The following CCDC3 variants were observed in gnomAD, a reference collection of about 807,000 sequenced individuals.
The protein encoded by CCDC3 is coiled-coil domain containing 3.
Under a neutral mutation model 21.4 loss-of-function variants are expected in CCDC3, and 24 were observed. The ratio of observed to expected loss-of-function variants is 1.12; its 90% CI spans 0.81 to 1.58. CCDC3 has a LOEUF of 1.58. CCDC3 is among the 40% of genes most tolerant of loss of function. CCDC3 has a pLI of 0.00. For synonymous variants in CCDC3, 186 were observed against 166.0 expected, an observed-to-expected ratio of 1.12 and a Z score of -0.93; for missense variants, 425 against 360.9, an observed-to-expected ratio of 1.18 and a Z score of -1.44.
intron 5 of CCDC3, among the ~76,000 whole-genome samples, chr10:13,015,559 G>C (rs1395376149): frequency 6.6e-6 from 1 of 152,010 alleles, no homozygotes; most frequent in Non-Finnish European, 1.5e-5. Context: ...GTGGTGTTAT[G>C]ACCCCCAATT....
intron 2 of CCDC3, among the ~76,000 whole-genome samples, chr10:12,925,861 T>C (rs962204898): frequency 2.0e-5 from 3 of 152,264 alleles, no homozygotes; most frequent in African/African-American, 7.2e-5. Context: ...TAAGGGATGA[T>C]CTGACTGGGA....
At chr10:12,969,532 T>G (rs1351739582) in intron 2 of CCDC3, among the ~76,000 whole-genome samples, 1 of 151,616 alleles carries the variant, frequency 6.6e-6, no homozygotes, top group Non-Finnish European at 1.5e-5. Flanking sequence ...TACCCAGTAG[T>G]AAACCGACTA....
intron 3 of CCDC3, among the ~76,000 whole-genome samples, chr10:13,080,062 G>A (rs184404760): frequency 1.2e-4 from 18 of 152,332 alleles, no homozygotes; most frequent in South Asian, 2.1e-4. Flanking sequence ...CAGGGTTAAC[G>A]ACTCAAACAA....
chr10:13,030,298 T>C (rs186820977), intron 5 of CCDC3, among the ~76,000 whole-genome samples: 19 of 152,258 alleles, frequency 1.2e-4, no homozygotes, highest in Admixed American at 1.0e-3. Context: ...TGCTGAGAGA[T>C]TTTGTTACCA....
intron 5 of CCDC3, among the ~76,000 whole-genome samples, chr10:13,022,755 G>T (rs780515144): frequency 3.9e-5 from 6 of 152,152 alleles, no homozygotes; most frequent in Non-Finnish European, 7.4e-5. Context: ...CTCCTTTCAA[G>T]ATATTAGTAT....
chr10:12,998,660 T>TA, intron 1 of CCDC3, 148 bp from the exon 2 acceptor site: 1 of 687,320 alleles, frequency 1.5e-6, no homozygotes, highest in Non-Finnish European at 2.4e-6. Context: ...TACTTCTAAT[T>TA]ATTTCTTTGT....
chr10:13,039,377 C>G (rs1054813930), intron 5 of CCDC3, among the ~76,000 whole-genome samples: 2 of 151,064 alleles, frequency 1.3e-5, no homozygotes, highest in East Asian at 1.9e-4. Context: ...GAACTGAGAT[C>G]GTGCCACTGC....
intron 2 of CCDC3, among the ~76,000 whole-genome samples, chr10:12,955,146 T>C (rs1019412136): frequency 2.0e-5 from 3 of 152,346 alleles, no homozygotes; most frequent in African/African-American, 7.2e-5. Context: ...GTGTCTGGCA[T>C]TTAGATTCCT....
intron 5 of CCDC3, among the ~76,000 whole-genome samples, chr10:13,013,119 G>A (rs1836003557): frequency 6.6e-6 from 1 of 152,092 alleles, no homozygotes; most frequent in African/African-American, 2.4e-5. Context: ...TAAGTCTTTT[G>A]GGACACACAC....
intron 3 of CCDC3, among the ~76,000 whole-genome samples, chr10:13,088,040 T>G (rs1003580110): frequency 5.3e-5 from 8 of 152,206 alleles, no homozygotes; most frequent in African/African-American, 1.9e-4. Context: ...AGACGCAGCT[T>G]CACACCAAAG....
At chr10:12,984,489 C>G (rs1391876339) in intron 2 of CCDC3, among the ~76,000 whole-genome samples, 2 of 152,188 alleles carry the variant, frequency 1.3e-5, no homozygotes, top group African/African-American at 2.4e-5. Flanking sequence ...CTTTGGAAAA[C>G]AGTCTGGCTG....
At chr10:13,022,023 G>C (rs983574680) in intron 5 of CCDC3, among the ~76,000 whole-genome samples, 5 of 152,122 alleles carry the variant, frequency 3.3e-5, no homozygotes, top group African/African-American at 1.2e-4. Context: ...GCCTCCCAAA[G>C]TGCTGAGATT....
chr10:13,077,918 C>T (rs1308335002), intron 3 of CCDC3, among the ~76,000 whole-genome samples: 2 of 152,118 alleles, frequency 1.3e-5, no homozygotes, highest in African/African-American at 4.8e-5. Context: ...AGAAGAAAAC[C>T]TAGGCAATAC....
intron 3 of CCDC3, among the ~76,000 whole-genome samples, chr10:13,080,187 A>T (rs1199615537): frequency 6.6e-6 from 1 of 152,116 alleles, no homozygotes; most frequent in Admixed American, 6.5e-5. Flanking sequence ...AGGAAACGGG[A>T]TGGCAAAGAG....
chr10:13,053,218 CAGGA>C (rs1375395435), intron 4 of CCDC3, among the ~76,000 whole-genome samples: 1 of 152,006 alleles, frequency 6.6e-6, no homozygotes, highest in Non-Finnish European at 1.5e-5. Flanking sequence ...TTCTTGTAGG[CAGGA>C]AGGTTAAAAT....
intron 4 of CCDC3, among the ~76,000 whole-genome samples, chr10:13,059,019 C>T (rs948280837): frequency 6.6e-6 from 1 of 152,152 alleles, no homozygotes; most frequent in Non-Finnish European, 1.5e-5. Flanking sequence ...ACAGGAAATA[C>T]TGATGGAAGG....
At chr10:13,061,309 T>C (rs2131432651) in intron 4 of CCDC3, among the ~76,000 whole-genome samples, 1 of 152,320 alleles carries the variant, frequency 6.6e-6, no homozygotes, top group Non-Finnish European at 1.5e-5. Flanking sequence ...ATGATCTACC[T>C]AACAGTGTGG....
intron 2 of CCDC3, among the ~76,000 whole-genome samples, chr10:12,927,581 T>G (rs539800960): frequency 6.9e-5 from 10 of 145,246 alleles, no homozygotes; most frequent in African/African-American, 2.5e-4. Context: ...ATGCTACAAA[T>G]GGCAAAAAAA....
At chr10:13,032,298 T>A (rs1162423980) in intron 5 of CCDC3, among the ~76,000 whole-genome samples, 1 of 152,158 alleles carries the variant, frequency 6.6e-6, no homozygotes, top group East Asian at 1.9e-4. Flanking sequence ...CAGCCCTTCA[T>A]GCTAAAAATT....
Sources: gnomAD v4.1 joint callset for allele counts (sites outside exome capture counted in the v4.1 genomes callset) on GRCh38, gnomAD v4.1.1 for gene constraint, MANE v1.5 for transcripts, NCBI Gene and HGNC (gene_info 2026-07-23, HGNC 2026-07-21) for gene names.